Variants in NDUFA8 observed in about 807,000 individuals in gnomAD.
The protein encoded by NDUFA8 is NADH dehydrogenase [ubiquinone] 1 alpha subcomplex subunit 8.
Under a neutral mutation model 20.9 loss-of-function variants are expected in NDUFA8, and 16 were observed. The observed-to-expected ratio is 0.77, with a 90% CI of 0.52 to 1.16. NDUFA8 has a LOEUF of 1.16. Ranked by LOEUF, NDUFA8 falls within the 50% of genes most tolerant of loss-of-function variation. NDUFA8 has a pLI of 0.00. For missense variants in NDUFA8, 202 were observed against 216.4 expected, an observed-to-expected ratio of 0.93 and a Z score of 0.42; for synonymous variants, 70 against 76.1, an observed-to-expected ratio of 0.92 and a Z score of 0.41.
chr9:122,145,279 T>C (rs117954940), intron 3 of NDUFA8, among the ~76,000 whole-genome samples: 2,055 of 152,256 alleles, frequency 0.013, 14 homozygotes, highest in Middle Eastern at 0.027. Flanking sequence ...AAGACCCAAA[T>C]TGGGGAGCTG....
chr9:122,137,976 C>T, the NDUFA8 span, among the ~76,000 whole-genome samples: 6 of 152,174 alleles, frequency 3.9e-5, no homozygotes, highest in African/African-American at 1.4e-4. Context: ...TGCTAAAGGA[C>T]TTTCTGGAAA....
the NDUFA8 span, among the ~76,000 whole-genome samples, chr9:122,137,403 G>A: frequency 2.0e-5 from 3 of 151,774 alleles, no homozygotes; most frequent in African/African-American, 4.8e-5. Flanking sequence ...CATCACACCC[G>A]GCTAATTTTG....
the NDUFA8 span, among the ~76,000 whole-genome samples, chr9:122,133,650 G>T: frequency 6.6e-6 from 1 of 152,186 alleles, no homozygotes; most frequent in Non-Finnish European, 1.5e-5. Context: ...TGGACTGGCA[G>T]AGAGGAGAGG....
downstream of NDUFA8, among the ~76,000 whole-genome samples, chr9:122,139,973 G>A (rs1037519846): frequency 3.3e-5 from 5 of 152,216 alleles, no homozygotes; most frequent in Admixed American, 1.3e-4. Flanking sequence ...GATTACAGGC[G>A]TGAGCCACCG....
intron 1 of NDUFA8, among the ~76,000 whole-genome samples, chr9:122,155,339 A>G (rs1214189755): frequency 6.6e-6 from 1 of 152,232 alleles, no homozygotes; most frequent in Non-Finnish European, 1.5e-5. Flanking sequence ...TCAGCCTCCC[A>G]AAGTGCTGGG....
the NDUFA8 span, among the ~76,000 whole-genome samples, chr9:122,134,257 A>C: frequency 6.6e-6 from 1 of 152,194 alleles, no homozygotes; most frequent in Non-Finnish European, 1.5e-5. Context: ...GCATTTCCGC[A>C]TGTGTTATCT....
At chr9:122,136,827 T>A in the NDUFA8 span, among the ~76,000 whole-genome samples, 1 of 152,204 alleles carries the variant, frequency 6.6e-6, no homozygotes, top group African/African-American at 2.4e-5. Context: ...AGTGCTGGGA[T>A]TACAGGCGTG....
chr9:122,143,079 A>T (rs372483030), downstream of NDUFA8, among the ~76,000 whole-genome samples: 30 of 152,322 alleles, frequency 2.0e-4, no homozygotes, highest in African/African-American at 7.2e-4. Flanking sequence ...GGCAGATCAC[A>T]CAGTGCTTTT....
intron 1 of NDUFA8, among the ~76,000 whole-genome samples, chr9:122,157,129 C>T (rs1195473612): frequency 1.3e-5 from 2 of 152,204 alleles, no homozygotes; most frequent in Non-Finnish European, 2.9e-5. Context: ...TGACTATTTA[C>T]TGTTCTCTCA....
At chr9:122,142,717 A>G (rs1042309446), downstream of NDUFA8, among the ~76,000 whole-genome samples, 1 of 152,232 alleles carries the variant, frequency 6.6e-6, no homozygotes. Flanking sequence ...GAGGTGAAAC[A>G]TGTAAAGCAC....
chr9:122,159,106 C>T (rs1306623094), intron 1 of NDUFA8, among the ~76,000 whole-genome samples: 1 of 152,094 alleles, frequency 6.6e-6, no homozygotes, highest in Admixed American at 6.5e-5. Flanking sequence ...TAAACGAATG[C>T]TTTAAATGGG....
intron 2 of NDUFA8, among the ~76,000 whole-genome samples, chr9:122,149,444 C>T (rs1012662389): frequency 5.3e-5 from 8 of 152,236 alleles, no homozygotes; most frequent in African/African-American, 1.2e-4. Flanking sequence ...CAGCAGCAGA[C>T]GGGCTGCAAG....
downstream of NDUFA8, among the ~76,000 whole-genome samples, chr9:122,141,560 T>C (rs1050648460): frequency 6.6e-6 from 1 of 152,170 alleles, no homozygotes; most frequent in African/African-American, 2.4e-5. Context: ...CACCATTAAC[T>C]CAGATAGGGA....
chr9:122,153,598 C>A (rs1829037406), intron 1 of NDUFA8, among the ~76,000 whole-genome samples: 1 of 152,094 alleles, frequency 6.6e-6, no homozygotes, highest in Non-Finnish European at 1.5e-5. Flanking sequence ...CTGTCCAGGG[C>A]CTACAAACAG....
rs1025074079 is a variant in NDUFA8, at chr9:122,159,755, C to T, written c.-78G>A. On this transcript the variant is annotated 5_prime_UTR_variant, in exon 1 of 4. Coordinates refer to ENST00000373768, the MANE Select transcript of NDUFA8 (RefSeq NM_014222.3). Reference sequence around the variant, plus strand: ...CTCCTTGAACTCCCCTTTCGACCGCCGAGTGCCACACGGCGCCTGCGCATG... The same window carrying T: ...CTCCTTGAACTCCCCTTTCGACCGCTGAGTGCCACACGGCGCCTGCGCATG... 1.2e-6 allele frequency: 2 copies of T among 1,603,592 alleles called. No homozygotes were observed. The highest frequency in any genetic ancestry group is 1.7e-5 in the Admixed American group (1 of 59,972).
At chr9:122,158,002 T>C (rs1588296438) in intron 1 of NDUFA8, among the ~76,000 whole-genome samples, 2 of 151,338 alleles carry the variant, frequency 1.3e-5, no homozygotes, top group African/African-American at 2.4e-5. Flanking sequence ...AAATACACAA[T>C]ATTAGCCGGG....
chr9:122,159,702 G>T lies in NDUFA8; in HGVS notation c.-25C>A. ...TGACGGCTGCAGCCCCGACCCCGACGAGAAGCCCTCAGCCGCGTCGCCCCC... is the reference window on the plus strand; with the variant it reads ...TGACGGCTGCAGCCCCGACCCCGACTAGAAGCCCTCAGCCGCGTCGCCCCC... On this transcript the variant is annotated 5_prime_UTR_variant, in exon 1 of 4. Coordinates refer to ENST00000373768, the MANE Select transcript of NDUFA8 (RefSeq NM_014222.3). 2 of 1,614,036 alleles carry T rather than the reference G, an allele frequency of 1.2e-6. No homozygotes were observed. The highest frequency in any genetic ancestry group is 1.1e-5 in the South Asian group (1 of 91,082).
intron 3 of NDUFA8, among the ~76,000 whole-genome samples, chr9:122,147,228 G>A (rs1828917342): frequency 6.6e-6 from 1 of 150,396 alleles, no homozygotes; most frequent in Admixed American, 6.7e-5. Context: ...ACAGCAGCAG[G>A]AACAATGAGA....
chr9:122,142,347 A>G (rs1319978353), downstream of NDUFA8, among the ~76,000 whole-genome samples: 2 of 152,184 alleles, frequency 1.3e-5, no homozygotes, highest in Admixed American at 1.3e-4. Flanking sequence ...GTCTAAAATC[A>G]GTATGTCGTT....
Sources: allele counts gnomAD v4.1 joint callset (sites outside exome capture counted in the v4.1 genomes callset), GRCh38; gene constraint gnomAD v4.1.1; transcripts MANE v1.5; gene names NCBI Gene and HGNC (gene_info 2026-07-23, HGNC 2026-07-21).